Variants in CNNM2 observed in about 807,000 individuals in gnomAD.
CNNM2 encodes cyclin and CBS domain divalent metal cation transport mediator 2.
CNNM2 carries 12 observed loss-of-function variants against 66.9 expected under a neutral mutation model. The ratio of observed to expected loss-of-function variants is 0.18; its 90% CI spans 0.11 to 0.29. CNNM2 has a LOEUF of 0.29. Among genes scored for constraint, CNNM2 ranks in the 10% least tolerant of loss-of-function variants. The pLI is 1.00. For missense variants in CNNM2, 705 were observed against 1,167.7 expected, an observed-to-expected ratio of 0.60 and a Z score of 5.77; for synonymous variants, 557 against 501.8, an observed-to-expected ratio of 1.11 and a Z score of -1.47.
Position 103,086,140 on chromosome 10 carries a change from A to G in CNNM2, c.*8960A>G, listed in dbSNP as rs1159876305. 2 of 152,180 alleles carry G rather than the reference A, an allele frequency of 1.3e-5. No homozygotes were observed. Among genetic ancestry groups the G allele is most frequent in the African/African-American group, 2.4e-5 (1 of 41,416 alleles). 9.4% of individuals were successfully genotyped at this position (152,180 alleles called of 1,614,324 possible). ...TAGCAGTAGTGCATGTTTTTCTTCT[A>G]TCTGCAGGGTTGCTCTGGTAGCTCC... is the stretch of plus-strand genomic sequence containing the variant. On this transcript the variant is annotated 3_prime_UTR_variant, in exon 8 of 8. Coordinates refer to ENST00000369878, the MANE Select transcript of CNNM2 (RefSeq NM_017649.5).
At chr10:103,034,949 G>A (rs1388873739) in intron 1 of CNNM2, among the ~76,000 whole-genome samples, 1 of 131,552 alleles carries the variant, frequency 7.6e-6, no homozygotes, top group East Asian at 2.2e-4. Context: ...GTCCGGCCTG[G>A]GCGACAGAGC....
chr10:102,969,499 A>C (rs2134213818), intron 1 of CNNM2, among the ~76,000 whole-genome samples: 1 of 152,164 alleles, frequency 6.6e-6, no homozygotes, highest in African/African-American at 2.4e-5. Flanking sequence ...GGCGTGAGCC[A>C]CCATGCCCAG....
chr10:102,995,176 T>A (rs1329968918), intron 1 of CNNM2, among the ~76,000 whole-genome samples: 1 of 118,304 alleles, frequency 8.5e-6, no homozygotes, highest in African/African-American at 3.2e-5. Context: ...CCTCCCCCTC[T>A]TCCTCCTCCT....
chr10:103,045,383 G>T (rs1286122406), intron 1 of CNNM2, among the ~76,000 whole-genome samples: 2 of 152,118 alleles, frequency 1.3e-5, no homozygotes, highest in Non-Finnish European at 2.9e-5. Context: ...GCCTAGAAGG[G>T]GGTCTGAGGC....
At chr10:103,055,724 A>G (rs1368543112) in intron 3 of CNNM2, among the ~76,000 whole-genome samples, 1 of 152,284 alleles carries the variant, frequency 6.6e-6, no homozygotes, top group South Asian at 2.1e-4. Flanking sequence ...ATTAGAAAAT[A>G]AAAGAACAGA....
In CNNM2 at chr10:103,024,278, A is replaced by G. The variant is rs977660350; in HGVS notation, c.1622-25429A>G. Among the ~76,000 whole-genome samples, 9 of 152,086 alleles carry G rather than the reference A, an allele frequency of 5.9e-5. No homozygotes were observed. In the East Asian group the frequency reaches 1.7e-3, roughly 29 times the overall value. ...ATAAAAGTAGAGAAAATAGACAATAAACCACAATATACCCATTACCAATTC... is the reference window on the plus strand; with the variant it reads ...ATAAAAGTAGAGAAAATAGACAATAGACCACAATATACCCATTACCAATTC... On this transcript the variant is annotated intron_variant, in intron 1 of 7. Transcript: ENST00000369878.
chr10:102,923,995 C>T (rs899116102), intron 1 of CNNM2, among the ~76,000 whole-genome samples: 5 of 152,190 alleles, frequency 3.3e-5, no homozygotes, highest in African/African-American at 1.2e-4. Flanking sequence ...TAACTGGTTG[C>T]TAATGAGCAT....
At position 103,084,878 on chromosome 10, in the gene CNNM2, T is replaced by G. The variant is rs1042615515; in HGVS notation, c.*7698T>G. On this transcript the variant is annotated 3_prime_UTR_variant, in exon 8 of 8. Transcript: ENST00000369878. ...TTCTGGAAACTTATTTTATACTTTT[T>G]GAAGGTAATTTAAAAGAGATGATTC... 6.6e-6 allele frequency: 1 copy of G among 152,186 alleles called. No individual in the cohort carries two copies. Among genetic ancestry groups the G allele is most frequent in the African/African-American group, 2.4e-5 (1 of 41,438 alleles). The allele number at this position is 152,186 out of a possible 1,614,324, so 9.4% of individuals were successfully genotyped here. A position where few individuals can be genotyped will look rare whatever the true frequency, so the allele number is the denominator to read the frequency against.
intron 2 of CNNM2, among the ~76,000 whole-genome samples, chr10:103,051,506 C>T (rs759933220): frequency 2.6e-5 from 4 of 151,440 alleles, no homozygotes; most frequent in Admixed American, 1.3e-4. Flanking sequence ...TTTGGGAGGC[C>T]GAGGCGGGTG....
chr10:102,935,850 C>T (rs1437384624), intron 1 of CNNM2, among the ~76,000 whole-genome samples: 2 of 148,338 alleles, frequency 1.3e-5, no homozygotes, highest in East Asian at 3.9e-4. Context: ...AACTCCTGGC[C>T]TCAAGCAGTC....
intron 1 of CNNM2, among the ~76,000 whole-genome samples, chr10:102,924,254 T>C (rs1845766225): frequency 6.6e-6 from 1 of 152,238 alleles, no homozygotes; most frequent in Admixed American, 6.5e-5. Flanking sequence ...AAAACCGTCC[T>C]CACAAAAGAT....
intron 1 of CNNM2, among the ~76,000 whole-genome samples, chr10:102,987,421 C>T (rs1237837850): frequency 2.0e-5 from 3 of 152,018 alleles, no homozygotes; most frequent in Non-Finnish European, 2.9e-5. Flanking sequence ...CCCAGGTTCA[C>T]GCCATTCTCC....
chr10:102,967,545 T>C (rs1194368610), intron 1 of CNNM2, among the ~76,000 whole-genome samples: 1 of 152,250 alleles, frequency 6.6e-6, no homozygotes, highest in Non-Finnish European at 1.5e-5. Flanking sequence ...TTTGTTTGGC[T>C]ACTTTCACTT....
At chr10:102,976,632 T>TTTTTTTTTTTTTA (rs1564828276) in intron 1 of CNNM2, among the ~76,000 whole-genome samples, 3 of 132,412 alleles carry the variant, frequency 2.3e-5, no homozygotes, top group African/African-American at 8.5e-5. Context: ...TTTTTTTTTT[T>TTTTTTTTTTTTTA]TTTTTTTGTA....
At position 102,928,582 on chromosome 10, in the gene CNNM2, CAA is replaced by C. The variant is rs34854394; in HGVS notation, c.1621+8497_1621+8498del. Among the ~76,000 whole-genome samples, 485 of 120,944 alleles carry C rather than the reference CAA, an allele frequency of 4.0e-3. 1 individual carries two copies. The highest frequency in any genetic ancestry group is 9.2e-3 in the African/African-American group (300 of 32,558). The allele number at this position is 120,944 out of a possible 152,430, so 79.3% of individuals were successfully genotyped here. ...GGGCAACAAGAGTGAAACTCTGTCT[CAA>C]AAAAAAAAAAAAAAAGAAATTTATT... is the stretch of plus-strand genomic sequence containing the variant. On this transcript the variant is annotated intron_variant, in intron 1 of 7. Transcript: ENST00000369878.
intron 1 of CNNM2, among the ~76,000 whole-genome samples, chr10:103,000,851 T>G (rs1226077227): frequency 6.6e-6 from 1 of 152,214 alleles, no homozygotes; most frequent in Non-Finnish European, 1.5e-5. Flanking sequence ...AGTGCTGGGA[T>G]TGCAGGCATG....
chr10:103,022,117 A>T (rs867952346), intron 1 of CNNM2, among the ~76,000 whole-genome samples: 2 of 152,174 alleles, frequency 1.3e-5, no homozygotes, highest in Non-Finnish European at 2.9e-5. Context: ...ATATAAACAG[A>T]CCTGTGAAAC....
rs894543375 is a variant in CNNM2, at chr10:102,939,911, T to G, written c.1621+19810T>G. ...TGAATCCGGGAGGTGGAGGCTGCAG[T>G]GATCTGAGATCGCGCCACTGCACTC... is the stretch of plus-strand genomic sequence containing the variant. On this transcript the variant is annotated intron_variant, in intron 1 of 7. Coordinates refer to ENST00000369878, the MANE Select transcript of CNNM2 (RefSeq NM_017649.5). 8.5e-5 allele frequency among the ~76,000 whole-genome samples: 13 copies of G among 152,080 alleles called. No individual in the cohort carries two copies. The East Asian group carries it at 2.5e-3, about 29-fold the overall frequency.
Position 103,082,415 on chromosome 10 carries a change from C to G in CNNM2, c.*5235C>G, listed in dbSNP as rs78414630. On this transcript the variant is annotated 3_prime_UTR_variant, in exon 8 of 8. Coordinates refer to ENST00000369878, the MANE Select transcript of CNNM2 (RefSeq NM_017649.5). ...AGAATGAGGTCTTAGGATTCTCATT[C>G]CCCAGAGAGCCCCAGCCTCGCTTCT... 2 of 152,152 alleles carry G rather than the reference C, an allele frequency of 1.3e-5. No individual in the cohort carries two copies. The highest frequency in any genetic ancestry group is 4.8e-5 in the African/African-American group (2 of 41,426). The allele number at this position is 152,152 out of a possible 1,614,324, so 9.4% of individuals were successfully genotyped here.
Sources: gnomAD v4.1 joint callset for allele counts (sites outside exome capture counted in the v4.1 genomes callset) on GRCh38, gnomAD v4.1.1 for gene constraint, MANE v1.5 for transcripts, NCBI Gene and HGNC (gene_info 2026-07-23, HGNC 2026-07-21) for gene names.